Variants in UIMC1 observed in about 807,000 individuals in gnomAD.
The protein encoded by UIMC1 is BRCA1-A complex subunit RAP80.
UIMC1 carries 42 observed loss-of-function variants against 84.9 expected under a neutral mutation model. The observed-to-expected ratio is 0.49, with a 90% CI of 0.39 to 0.64. The LOEUF is 0.64. Among genes scored for constraint, UIMC1 ranks in the 30% least tolerant of loss-of-function variants. The pLI is 0.00. For synonymous variants in UIMC1, 281 were observed against 293.0 expected (o/e 0.96, Z 0.42); for missense variants, 825 against 847.6 (o/e 0.97, Z 0.33).
At chr5:176,909,406 A>G (rs188447583) in intron 11 of UIMC1, among the ~76,000 whole-genome samples, 2 of 152,322 alleles carry the variant, frequency 1.3e-5, no homozygotes, top group Admixed American at 6.5e-5. Context: ...TGTGGTGAGA[A>G]CCTCTGCAAG....
At chr5:176,922,272 G>A (rs933303978) in intron 10 of UIMC1, among the ~76,000 whole-genome samples, 2 of 152,154 alleles carry the variant, frequency 1.3e-5, no homozygotes, top group Non-Finnish European at 2.9e-5. Context: ...CGTTATAGTT[G>A]CTGCTAAATA....
At chr5:176,953,645 G>T (rs1423246980) in intron 8 of UIMC1, among the ~76,000 whole-genome samples, 1 of 152,082 alleles carries the variant, frequency 6.6e-6, no homozygotes, top group Non-Finnish European at 1.5e-5. Flanking sequence ...TCACTGCTTA[G>T]ATTACTGCAA....
At chr5:177,006,791 G>A (rs1775351768), upstream of UIMC1, 2 of 152,202 alleles carry the variant, frequency 1.3e-5, no homozygotes, top group Admixed American at 1.3e-4. Flanking sequence ...CAGGCGCAGC[G>A]CGCGGAGACT....
chr5:176,921,126 AAGT>A (rs1247696549), intron 10 of UIMC1, among the ~76,000 whole-genome samples: 1 of 152,146 alleles, frequency 6.6e-6, no homozygotes, highest in Non-Finnish European at 1.5e-5. Flanking sequence ...GATGAGAAAA[AAGT>A]AGTACTTGAG....
intron 10 of UIMC1, among the ~76,000 whole-genome samples, chr5:176,917,717 C>T (rs1307252391): frequency 2.6e-5 from 4 of 151,978 alleles, no homozygotes; most frequent in African/African-American, 9.7e-5. Flanking sequence ...CCCAGCGCTT[C>T]GGGAGGCCGA....
At chr5:176,918,905 G>T (rs1761363443) in intron 10 of UIMC1, among the ~76,000 whole-genome samples, 1 of 152,054 alleles carries the variant, frequency 6.6e-6, no homozygotes, top group Admixed American at 6.6e-5. Flanking sequence ...CACATACAAC[G>T]TGCTGACTGG....
At chr5:176,979,291 T>C (rs562988369) in intron 2 of UIMC1, among the ~76,000 whole-genome samples, 2 of 152,082 alleles carry the variant, frequency 1.3e-5, no homozygotes, top group African/African-American at 2.4e-5. Context: ...AGGAGAAACA[T>C]GGGAAGATAG....
chr5:176,910,166 A>T (rs1265375788), intron 11 of UIMC1, among the ~76,000 whole-genome samples: 1 of 152,262 alleles, frequency 6.6e-6, no homozygotes, highest in East Asian at 1.9e-4. Context: ...ATACAATGTG[A>T]GGAATTCCTA....
chr5:176,948,944 C>G (rs1765478771), intron 9 of UIMC1, among the ~76,000 whole-genome samples: 1 of 152,076 alleles, frequency 6.6e-6, no homozygotes, highest in South Asian at 2.1e-4. Context: ...TGACTTGTAA[C>G]TAGTACATGA....
chr5:176,951,562 G>C lies in UIMC1; in HGVS notation c.1355C>G (p.Ser452Cys). The C allele has an allele frequency of 6.3e-7, 1 of 1,583,896 alleles. No individual in the cohort carries two copies. Among genetic ancestry groups the C allele is most frequent in the Non-Finnish European group, 8.6e-7 (1 of 1,167,854 alleles). ...TCTTTCAAGGTCAAAAGTTTCAGAG[G>C]AACTTAGCTGGGTCTCTGTAATTTA... is the stretch of plus-strand genomic sequence containing the variant. ...ITVCPETQLS[S>C]SETFDLEREV... The change falls in exon 9 of 15, where the codon TCC (serine) becomes TGC (cysteine). Residue 452 changes from serine (S) to cysteine (C), a missense_variant. Coordinates refer to ENST00000511320, the MANE Select transcript of UIMC1 (RefSeq NM_001199298.2).
At chr5:176,955,869 G>C in intron 8 of UIMC1, 90 bp downstream of exon 8, 1 of 1,204,734 alleles carries the variant, frequency 8.3e-7, no homozygotes, top group South Asian at 1.3e-5. Context: ...AACCTCCAGA[G>C]AGTAGGTTTG....
At chr5:176,939,989 A>G (rs1764218442) in intron 10 of UIMC1, among the ~76,000 whole-genome samples, 1 of 152,296 alleles carries the variant, frequency 6.6e-6, no homozygotes, top group South Asian at 2.1e-4. Flanking sequence ...ACAGCATTAG[A>G]CGGGGTCACT....
chr5:176,953,462 A>G (rs1365789713), intron 8 of UIMC1, among the ~76,000 whole-genome samples: 1 of 149,266 alleles, frequency 6.7e-6, no homozygotes, highest in East Asian at 1.9e-4. Context: ...TTATATTTTA[A>G]TACATCACAA....
chr5:176,917,528 C>T (rs1398771263), intron 10 of UIMC1, among the ~76,000 whole-genome samples: 1 of 152,160 alleles, frequency 6.6e-6, no homozygotes, highest in Non-Finnish European at 1.5e-5. Flanking sequence ...GCCAAGATTA[C>T]ACCACTGCAC....
chr5:176,905,969 A>C, intron 14 of UIMC1, 42 bp downstream of exon 14: 1 of 1,612,860 alleles, frequency 6.2e-7, no homozygotes, highest in Non-Finnish European at 8.5e-7. Flanking sequence ...TGCACTTTTC[A>C]GAAATGCTGA....
chr5:176,951,714 G>T, intron 8 of UIMC1, 137 bp from the exon 9 acceptor site: 1 of 563,180 alleles, frequency 1.8e-6, no homozygotes. Flanking sequence ...GATCTAGTTT[G>T]TTTCTTCTTA....
In UIMC1 at chr5:176,911,351, C is replaced by T; in HGVS notation, c.1636G>A (p.Asp546Asn). The T allele has an allele frequency of 6.3e-7, 1 of 1,599,980 alleles. No homozygotes were observed. Among genetic ancestry groups the T allele is most frequent in the Non-Finnish European group, 8.5e-7 (1 of 1,172,176 alleles). ...RRQKEAKTKSDSGTAAQTSLD... is the reference protein window; with the variant it reads ...RRQKEAKTKSNSGTAAQTSLD... ...GAAGTCTGGGCAGCTGTCCCACTGTCACTCTTGGTCTTGGCCTCTTTTTGT... is the reference window on the plus strand; with the variant it reads ...GAAGTCTGGGCAGCTGTCCCACTGTTACTCTTGGTCTTGGCCTCTTTTTGT... Residue 546 changes from aspartate (D) to asparagine (N), a missense_variant, in exon 11 of 15, where the codon GAC becomes AAC. Asp to Asn is a conservative substitution (Grantham distance 23). Coordinates refer to ENST00000511320, the MANE Select transcript of UIMC1 (RefSeq NM_001199298.2).
chr5:176,913,958 C>CA (rs1760601011), intron 10 of UIMC1, among the ~76,000 whole-genome samples: 1 of 152,088 alleles, frequency 6.6e-6, no homozygotes, highest in African/African-American at 2.4e-5. Context: ...GCCTAGGTGA[C>CA]AGAGCTAGAT....
intron 10 of UIMC1, among the ~76,000 whole-genome samples, chr5:176,937,145 A>G (rs1157371552): frequency 6.6e-6 from 1 of 152,238 alleles, no homozygotes; most frequent in Non-Finnish European, 1.5e-5. Context: ...GGCAACGTGC[A>G]TTTGTTCTAG....
Sources: gnomAD v4.1 joint callset for allele counts (sites outside exome capture counted in the v4.1 genomes callset) on GRCh38, gnomAD v4.1.1 for gene constraint, MANE v1.5 for transcripts, NCBI Gene and HGNC (gene_info 2026-07-23, HGNC 2026-07-21) for gene names.